The following PCDHGB5 variants were observed in gnomAD, a reference collection of about 807,000 sequenced individuals.
PCDHGB5 encodes the protein protocadherin gamma subfamily B, 5, also known as protocadherin gamma-B5.
Under a neutral mutation model 62.9 loss-of-function variants are expected in PCDHGB5, and 48 were observed. That is an observed-to-expected ratio of 0.76 (90% CI 0.61 to 0.97). The LOEUF is 0.97. PCDHGB5 is among the 50% of genes least tolerant of loss of function. The probability of loss-of-function intolerance (pLI) is 0.00; values close to 1 mark genes in which losing one functional copy is unlikely to be tolerated. For synonymous variants in PCDHGB5, 474 were observed against 511.2 expected (o/e 0.93, Z 0.98); for missense variants, 1,118 against 1,198.6 (o/e 0.93, Z 0.99).
intron 1 of PCDHGB5, among the ~76,000 whole-genome samples, chr5:141,472,310 G>A (rs2099276586): frequency 6.6e-6 from 1 of 152,040 alleles, no homozygotes; most frequent in Non-Finnish European, 1.5e-5. Flanking sequence ...GGGAAGCCGA[G>A]GCAGGCAGAT....
At chr5:141,504,206 A>G (rs1209911822) in intron 2 of PCDHGB5, among the ~76,000 whole-genome samples, 1 of 152,218 alleles carries the variant, frequency 6.6e-6, no homozygotes, top group African/African-American at 2.4e-5. Flanking sequence ...CTGTGGGAAA[A>G]TTCCAAGTAG....
intron 1 of PCDHGB5, chr5:141,416,848 G>A (rs2154546681): frequency 1.3e-5 from 2 of 152,166 alleles, no homozygotes; most frequent in East Asian, 3.9e-4. Flanking sequence ...ATAATTCCAT[G>A]ATTTTTTTCA....
At chr5:141,479,186 T>A (rs956575218) in intron 1 of PCDHGB5, 1 of 152,590 alleles carries the variant, frequency 6.6e-6, no homozygotes, top group Non-Finnish European at 1.5e-5. Flanking sequence ...GCTAGAAAAT[T>A]CAGAAAATAC....
intron 2 of PCDHGB5, among the ~76,000 whole-genome samples, chr5:141,504,741 T>C (rs968590796): frequency 2.6e-5 from 4 of 151,826 alleles, no homozygotes; most frequent in South Asian, 2.1e-4. Context: ...TAGGAAGCCA[T>C]TGAATTTTAG....
chr5:141,473,479 G>A (rs1417960508), intron 1 of PCDHGB5, among the ~76,000 whole-genome samples: 1 of 152,118 alleles, frequency 6.6e-6, no homozygotes, highest in Non-Finnish European at 1.5e-5. Flanking sequence ...AAGTTCAATG[G>A]AAAAAATATA....
intron 2 of PCDHGB5, among the ~76,000 whole-genome samples, chr5:141,502,894 G>C (rs1342496006): frequency 6.8e-6 from 1 of 147,968 alleles, no homozygotes; most frequent in Non-Finnish European, 1.5e-5. Context: ...AGGGAGTCTA[G>C]CTCTGTTGCC....
chr5:141,477,835 T>G lies in PCDHGB5; in HGVS notation c.2398-16972T>G. ...CCCAGGTCCTATATCCTCGGCCAGG[T>G]GGGAGCTCGGTGGAGATGCTGCCTC... On this transcript the variant is annotated intron_variant, in intron 1 of 3. Coordinates refer to ENST00000617380, the MANE Select transcript of PCDHGB5 (RefSeq NM_018925.3). This position sits in a 1 kb window ranked among gnomAD's most constrained non-coding sequence, Gnocchi z 4.9. The G allele has an allele frequency of 6.2e-7, 1 of 1,614,090 alleles. No individual in the cohort carries two copies. Among genetic ancestry groups the G allele is most frequent in the South Asian group, 1.1e-5 (1 of 91,072 alleles).
At chr5:141,427,889 G>C in intron 1 of PCDHGB5, 1 of 1,566,516 alleles carries the variant, frequency 6.4e-7, no homozygotes, top group South Asian at 1.1e-5. Flanking sequence ...CCCACGACCA[G>C]GGCTCGCCCG....
At position 141,400,221 on chromosome 5, in the gene PCDHGB5, C is replaced by T. The variant is rs377228541; in HGVS notation, c.2094C>T (p.Leu698=). 2.2e-5 allele frequency: 36 copies of T among 1,614,060 alleles called. No individual in the cohort carries two copies. The highest frequency in any genetic ancestry group is 6.7e-5 in the Admixed American group (4 of 60,032). Residue 698 remains leucine (L), a synonymous_variant, in exon 1 of 4, where the codon CTC becomes CTT. Transcript: ENST00000617380. ...TGGCCTTGGCCTTGATCTCAGTGCTCTTCCTCCTGGCCGTGATTCTGGCCG... is the reference window on the plus strand; with the variant it reads ...TGGCCTTGGCCTTGATCTCAGTGCTTTTCCTCCTGGCCGTGATTCTGGCCG... ...LVVALALISV[L]FLLAVILAVA...
chr5:141,421,426 A>G, intron 1 of PCDHGB5: 2 of 1,614,104 alleles, frequency 1.2e-6, no homozygotes, highest in South Asian at 1.1e-5. Context: ...CGGAGTCCGC[A>G]TCGTCTCCAG....
chr5:141,416,718 G>T lies in PCDHGB5; in HGVS notation c.2397+16194G>T, dbSNP rs1202204760. The T allele has an allele frequency of 5.9e-5, 9 of 152,308 alleles. No homozygotes were observed. In the East Asian group the frequency reaches 1.5e-3, roughly 26 times the overall value. The allele number at this position is 152,308 out of a possible 1,614,324, so 9.4% of individuals were successfully genotyped here. On this transcript the variant is annotated intron_variant, in intron 1 of 3. Transcript: ENST00000617380. ...AAAGGATCATTGGAGGTACTGATGAGTTCATTTAGTTCAATGAAAATAGTG... is the reference window on the plus strand; with the variant it reads ...AAAGGATCATTGGAGGTACTGATGATTTCATTTAGTTCAATGAAAATAGTG...
rs375915850 is a variant in PCDHGB5, at chr5:141,397,975, G to A, written c.-153G>A. The A allele has an allele frequency of 2.3e-4, 272 of 1,189,006 alleles. 1 individual carries two copies. Among genetic ancestry groups the A allele is most frequent in the African/African-American group, 9.9e-4 (64 of 64,918 alleles). 73.7% of individuals were successfully genotyped at this position (1,189,006 alleles called of 1,614,324 possible). ...GCCCCAGCTCAGACTCCCCAGCGCC[G>A]GCCTTTACACCGCTTCCTCCTCGGA... On this transcript the variant is annotated 5_prime_UTR_variant, in exon 1 of 4. Transcript: ENST00000617380.
intron 1 of PCDHGB5, chr5:141,418,237 T>G (rs1470328670): frequency 6.2e-7 from 1 of 1,614,044 alleles, no homozygotes. Context: ...TTGAGGATGT[T>G]AATGACCACG....
At chr5:141,482,530 CAAAAAAAAA>C (rs3074545) in intron 1 of PCDHGB5, among the ~76,000 whole-genome samples, 16 of 76,560 alleles carry the variant, frequency 2.1e-4, no homozygotes, top group African/African-American at 7.7e-4. Context: ...GACAGACATG[CAAAAAAAAA>C]AAAAAAAAAA....
chr5:141,404,180 C>A (rs774534952), intron 1 of PCDHGB5: 10 of 1,613,196 alleles, frequency 6.2e-6, no homozygotes, highest in Non-Finnish European at 8.5e-6. Flanking sequence ...GGCCCAAATT[C>A]TTGACCGAGA....
chr5:141,454,740 G>GAGGCC (rs2098797560), intron 1 of PCDHGB5, among the ~76,000 whole-genome samples: 1 of 147,160 alleles, frequency 6.8e-6, no homozygotes, highest in Non-Finnish European at 1.5e-5. Flanking sequence ...AGGATGAAAA[G>GAGGCC]AGGCCAAACT....
intron 1 of PCDHGB5, chr5:141,419,647 G>A (rs370948584): frequency 1.0e-4 from 165 of 1,612,474 alleles, no homozygotes; most frequent in Non-Finnish European, 1.4e-4. Context: ...CCGTGGACGC[G>A]GACTCGGGGC....
intron 1 of PCDHGB5, among the ~76,000 whole-genome samples, chr5:141,481,700 T>C (rs1283509788): frequency 2.0e-5 from 3 of 152,034 alleles, no homozygotes; most frequent in Non-Finnish European, 4.4e-5. Context: ...ACGCCTGTAA[T>C]CCCAGCACTT....
rs11575965 is a variant in PCDHGB5 at position 141,430,679 on chromosome 5, T to C, written c.2397+30155T>C. 6,478 of 1,333,262 alleles carry C rather than the reference T, an allele frequency of 4.9e-3. 34 individuals carry two copies. Among genetic ancestry groups the C allele is most frequent in the Admixed American group, 9.3e-3 (354 of 37,978 alleles). 82.6% of individuals were successfully genotyped at this position (1,333,262 alleles called of 1,614,324 possible). ...CGGAGGAGCTCTGACTTCCCAACTG[T>C]CCCATTCTATGGGCGAAGGAACTGC... On this transcript the variant is annotated intron_variant, in intron 1 of 3. Coordinates refer to ENST00000617380, the MANE Select transcript of PCDHGB5 (RefSeq NM_018925.3).
Sources: allele counts gnomAD v4.1 joint callset (sites outside exome capture counted in the v4.1 genomes callset), GRCh38; gene constraint gnomAD v4.1.1; non-coding constraint Gnocchi (gnomAD v3.1); transcripts MANE v1.5; gene names NCBI Gene and HGNC (gene_info 2026-07-23, HGNC 2026-07-21).